Variants in LRRC4C observed in about 807,000 individuals in gnomAD.
The protein encoded by LRRC4C is leucine rich repeat containing 4C, also known as leucine-rich repeat-containing protein 4C.
In LRRC4C, 5 loss-of-function variants were observed where a neutral mutation model predicts 33.6. The ratio of observed to expected loss-of-function variants is 0.15; its 90% CI spans 0.08 to 0.31. The LOEUF (loss-of-function observed/expected upper bound fraction) is 0.31. Ranked by LOEUF, LRRC4C falls within the 10% of genes least tolerant of loss-of-function variation. The probability of loss-of-function intolerance (pLI) is 1.00; values close to 1 mark genes in which losing one functional copy is unlikely to be tolerated. For missense variants in LRRC4C, 560 were observed against 796.7 expected, an observed-to-expected ratio of 0.70 and a Z score of 3.58; for synonymous variants, 329 against 302.0, an observed-to-expected ratio of 1.09 and a Z score of -0.93.
At chr11:41,085,781 A>G (rs1405941534) in intron 1 of LRRC4C, among the ~76,000 whole-genome samples, 2 of 152,122 alleles carry the variant, frequency 1.3e-5, no homozygotes, top group African/African-American at 2.4e-5. Context: ...TTAGCAACAG[A>G]TTAGTACCAG....
chr11:41,222,812 C>G (rs1947365032), intron 1 of LRRC4C: 1 of 124,602 alleles, frequency 8.0e-6, no homozygotes, highest in Admixed American at 1.0e-4. Flanking sequence ...GCTACTCTGT[C>G]TCTGTAGTTT....
chr11:41,028,291 T>C (rs1344113422), intron 1 of LRRC4C, among the ~76,000 whole-genome samples: 1 of 151,552 alleles, frequency 6.6e-6, no homozygotes, highest in African/African-American at 2.4e-5. Flanking sequence ...TCTACAAACA[T>C]TGGCAAAGAG....
At chr11:41,410,536 G>A (rs1168121740) in intron 1 of LRRC4C, among the ~76,000 whole-genome samples, 1 of 151,764 alleles carries the variant, frequency 6.6e-6, no homozygotes, top group Non-Finnish European at 1.5e-5. Context: ...CACCTTCTGG[G>A]TTCACGCCAT....
At chr11:40,721,587 TG>T (rs2136683417) in intron 2 of LRRC4C, among the ~76,000 whole-genome samples, 1 of 152,344 alleles carries the variant, frequency 6.6e-6, no homozygotes, top group East Asian at 1.9e-4. Context: ...GAAGCCTGGT[TG>T]GGTAGATACC....
At chr11:40,984,362 A>AG (rs1565270443) in intron 1 of LRRC4C, among the ~76,000 whole-genome samples, 17 of 91,816 alleles carry the variant, frequency 1.9e-4, no homozygotes, top group East Asian at 1.4e-3. Flanking sequence ...GAAAGAAAGA[A>AG]AAAAGAAAGA....
At chr11:41,350,764 G>A (rs1591327852) in intron 1 of LRRC4C, among the ~76,000 whole-genome samples, 1 of 152,262 alleles carries the variant, frequency 6.6e-6, no homozygotes, top group South Asian at 2.1e-4. Context: ...AACATCAGAA[G>A]ACAAAATGAC....
intron 2 of LRRC4C, among the ~76,000 whole-genome samples, chr11:40,792,396 G>T (rs1370397587): frequency 2.0e-5 from 3 of 151,924 alleles, no homozygotes; most frequent in African/African-American, 4.8e-5. Context: ...AGACTTTTTG[G>T]TTTATAAAGT....
At chr11:40,180,914 T>A (rs1324105255) in intron 5 of LRRC4C, among the ~76,000 whole-genome samples, 1 of 152,220 alleles carries the variant, frequency 6.6e-6, no homozygotes, top group African/African-American at 2.4e-5. Context: ...AGAGTTGAAC[T>A]GGATCAGAGA....
intron 1 of LRRC4C, among the ~76,000 whole-genome samples, chr11:40,952,878 ACACACACACACACACACACTCTCT>A (rs1360939606): frequency 9.1e-6 from 1 of 109,850 alleles, no homozygotes; most frequent in African/African-American, 3.0e-5. Context: ...ACACACACAC[ACACACACACACACACACACTCTCT>A]CTCTCTCTCT....
At chr11:40,976,017 G>A (rs1852059661) in intron 1 of LRRC4C, among the ~76,000 whole-genome samples, 1 of 152,090 alleles carries the variant, frequency 6.6e-6, no homozygotes, top group Non-Finnish European at 1.5e-5. Context: ...AAATTTAAAT[G>A]GCAACACTGA....
chr11:40,700,662 A>G (rs1255763067), intron 2 of LRRC4C, among the ~76,000 whole-genome samples: 3 of 152,110 alleles, frequency 2.0e-5, no homozygotes, highest in Non-Finnish European at 4.4e-5. Flanking sequence ...ATCTGCTTCA[A>G]GTGCACTTTC....
intron 1 of LRRC4C, among the ~76,000 whole-genome samples, chr11:41,317,380 C>T (rs1486638729): frequency 1.3e-5 from 2 of 152,134 alleles, no homozygotes; most frequent in East Asian, 1.9e-4. Context: ...GTTTCTTTCC[C>T]TTCTTTTCTA....
chr11:41,308,521 C>T (rs1950563615), intron 1 of LRRC4C, among the ~76,000 whole-genome samples: 1 of 152,124 alleles, frequency 6.6e-6, no homozygotes, highest in African/African-American at 2.4e-5. Flanking sequence ...AGCCTATCTA[C>T]AGTCAACAAA....
intron 1 of LRRC4C, among the ~76,000 whole-genome samples, chr11:41,249,598 C>A (rs144985164): frequency 2.6e-5 from 4 of 152,268 alleles, no homozygotes; most frequent in Non-Finnish European, 4.4e-5. Context: ...CAGGTTCACA[C>A]CAAGCTCCTT....
intron 2 of LRRC4C, among the ~76,000 whole-genome samples, chr11:40,898,874 G>T (rs1285464450): frequency 6.6e-6 from 1 of 151,986 alleles, no homozygotes; most frequent in Non-Finnish European, 1.5e-5. Context: ...GCACAGACCT[G>T]TCACTGATAC....
At chr11:41,270,570 T>C (rs1949288359) in intron 1 of LRRC4C, among the ~76,000 whole-genome samples, 2 of 152,130 alleles carry the variant, frequency 1.3e-5, no homozygotes, top group South Asian at 2.1e-4. Context: ...ACAGAAGATA[T>C]TTTCAGTCAA....
intron 1 of LRRC4C, among the ~76,000 whole-genome samples, chr11:41,126,439 C>A (rs763349402): frequency 3.3e-5 from 5 of 151,844 alleles, no homozygotes; most frequent in Non-Finnish European, 5.9e-5. Flanking sequence ...AATTATAAGG[C>A]TTCAGACATC....
intron 2 of LRRC4C, among the ~76,000 whole-genome samples, chr11:40,799,756 A>G (rs986361546): frequency 3.9e-5 from 6 of 152,250 alleles, no homozygotes; most frequent in Non-Finnish European, 7.3e-5. Flanking sequence ...GGCATGAGCC[A>G]CTACATCTGG....
chr11:40,555,804 A>G (rs192660168), intron 3 of LRRC4C, among the ~76,000 whole-genome samples: 147 of 152,362 alleles, frequency 9.6e-4, no homozygotes, highest in African/African-American at 3.2e-3. Flanking sequence ...TCTACTAAAA[A>G]TCAAGGAAAG....
Sources: gnomAD v4.1 joint callset for allele counts (sites outside exome capture counted in the v4.1 genomes callset) on GRCh38, gnomAD v4.1.1 for gene constraint, MANE v1.5 for transcripts, NCBI Gene and HGNC (gene_info 2026-07-23, HGNC 2026-07-21) for gene names.